Variants in AGO3 observed in about 807,000 individuals in gnomAD.
AGO3 encodes the protein argonaute RISC catalytic component 3.
AGO3 carries 16 observed loss-of-function variants against 105.5 expected under a neutral mutation model. That is an observed-to-expected ratio of 0.15 (90% CI 0.10 to 0.23). The LOEUF (loss-of-function observed/expected upper bound fraction) is 0.23. Ranked by LOEUF, AGO3 falls within the 10% of genes least tolerant of loss-of-function variation. The probability of loss-of-function intolerance (pLI) is 1.00; values close to 1 mark genes in which losing one functional copy is unlikely to be tolerated. For synonymous variants in AGO3, 340 were observed against 367.3 expected (o/e 0.93, Z 0.85); for missense variants, 534 against 1,088.0 (o/e 0.49, Z 7.16).
chr1:36,053,745 A>T (rs1174096143), intron 17 of AGO3, among the ~76,000 whole-genome samples: 13 of 81,298 alleles, frequency 1.6e-4, no homozygotes, highest in African/African-American at 5.3e-4. Context: ...CACCTGGCTA[A>T]TTTTTTTTTT....
At chr1:36,015,885 A>C (rs545864662) in intron 11 of AGO3, among the ~76,000 whole-genome samples, 1 of 152,308 alleles carries the variant, frequency 6.6e-6, no homozygotes, top group African/African-American at 2.4e-5. Flanking sequence ...AGACAAATTA[A>C]ATTTAACAGA....
chr1:36,048,961 C>G (rs1035962268), intron 17 of AGO3, among the ~76,000 whole-genome samples: 5 of 152,204 alleles, frequency 3.3e-5, no homozygotes, highest in Admixed American at 6.5e-5. Flanking sequence ...CCTGCCTCAT[C>G]CTTCCAAAGT....
intron 14 of AGO3, among the ~76,000 whole-genome samples, chr1:36,038,107 G>A (rs11263847): frequency 0.087 from 13,247 of 152,096 alleles, 1,971 homozygotes; most frequent in East Asian, 0.66. Context: ...TCATGATAAC[G>A]AAGTAACAAC....
In AGO3 at chr1:36,004,403, A is replaced by G; in HGVS notation, c.721A>G (p.Ile241Val). 1 of 1,609,224 alleles carries G rather than the reference A, an allele frequency of 6.2e-7. No homozygotes were observed. The highest frequency in any genetic ancestry group is 8.5e-7 in the Non-Finnish European group (1 of 1,176,792). Residue 241 changes from isoleucine (I) to valine (V), a missense_variant, in exon 6 of 19, where the codon ATT (isoleucine) becomes GTT (valine). Ile to Val is a conservative substitution (Grantham distance 29, BLOSUM62 3). Around this residue, in one of 2 missense-constraint regions of AGO3, gnomAD observed 373 missense variants for 854.0 expected, o/e 0.44. Coordinates refer to ENST00000373191, the MANE Select transcript of AGO3 (RefSeq NM_024852.4). The stretch of plus-strand genomic sequence containing the variant: ...TCAGTTCATGTGTGAAGTTCTTGAT[A>G]TTCATAATATTGATGAGCAACCAAG... The part of the protein sequence containing the change: ...VIQFMCEVLD[I>V]HNIDEQPRPL...
intron 5 of AGO3, among the ~76,000 whole-genome samples, chr1:35,977,572 T>C (rs1646976290): frequency 6.6e-6 from 1 of 151,948 alleles, no homozygotes; most frequent in African/African-American, 2.4e-5. Flanking sequence ...TTTGTATTTT[T>C]TGTAGAGACA....
intron 2 of AGO3, among the ~76,000 whole-genome samples, chr1:35,953,770 C>A (rs1294139168): frequency 6.6e-6 from 1 of 152,136 alleles, no homozygotes; most frequent in Non-Finnish European, 1.5e-5. Flanking sequence ...CCTCACCCTT[C>A]CAAAGTGCTG....
At chr1:35,947,477 T>C (rs1296010473) in intron 2 of AGO3, among the ~76,000 whole-genome samples, 3 of 152,188 alleles carry the variant, frequency 2.0e-5, no homozygotes, top group African/African-American at 4.8e-5. Context: ...GTGGTTATTT[T>C]TCTCCCTTTC....
chr1:36,032,907 C>A (rs1442477941), intron 12 of AGO3, among the ~76,000 whole-genome samples: 1 of 151,466 alleles, frequency 6.6e-6, no homozygotes, highest in African/African-American at 2.4e-5. Context: ...GGTGGATCAC[C>A]TGAGGTCAGG....
intron 1 of AGO3, among the ~76,000 whole-genome samples, chr1:35,941,516 G>T (rs1251912055): frequency 6.6e-6 from 1 of 152,116 alleles, no homozygotes; most frequent in Admixed American, 6.6e-5. Flanking sequence ...AGATAATGTG[G>T]TATTGGTGAA....
intron 12 of AGO3, among the ~76,000 whole-genome samples, chr1:36,032,678 T>C (rs569265954): frequency 9.9e-5 from 15 of 151,832 alleles, no homozygotes; most frequent in African/African-American, 2.7e-4. Flanking sequence ...TTGCACCCAT[T>C]TTTCTATGTT....
chr1:35,957,195 C>T (rs1470271223), intron 2 of AGO3, among the ~76,000 whole-genome samples: 1 of 150,768 alleles, frequency 6.6e-6, no homozygotes, highest in Admixed American at 6.6e-5. Context: ...ACTAAAAATA[C>T]AAAAATTAGC....
intron 1 of AGO3, among the ~76,000 whole-genome samples, chr1:35,940,475 C>A (rs541312431): frequency 6.6e-6 from 1 of 152,254 alleles, no homozygotes; most frequent in African/African-American, 2.4e-5. Context: ...TTTTTCTCCT[C>A]TGCAATTTAT....
Position 35,962,315 on chromosome 1 carries a change from G to A in AGO3, c.192-4640G>A, listed in dbSNP as rs996948537. Among the ~76,000 whole-genome samples, 14 of 152,192 alleles carry A rather than the reference G, an allele frequency of 9.2e-5. No homozygotes were observed. The Middle Eastern group carries it at 0.01, about 111-fold the overall frequency. ...TCCCAGCACTTTGGGAGGCCAAGGC[G>A]GGTGGATCACGAGGTCAGGAGATCG... is the stretch of plus-strand genomic sequence containing the variant. On this transcript the variant is annotated intron_variant, in intron 2 of 18. Coordinates refer to ENST00000373191, the MANE Select transcript of AGO3 (RefSeq NM_024852.4).
At chr1:35,999,569 A>G (rs1197398198) in intron 5 of AGO3, among the ~76,000 whole-genome samples, 1 of 152,220 alleles carries the variant, frequency 6.6e-6, no homozygotes, top group Non-Finnish European at 1.5e-5. Context: ...TATTACTTCC[A>G]TAGGTCTTAT....
At chr1:35,937,043 G>T (rs1008036494) in intron 1 of AGO3, among the ~76,000 whole-genome samples, 1 of 152,188 alleles carries the variant, frequency 6.6e-6, no homozygotes, top group African/African-American at 2.4e-5. Flanking sequence ...TAAAAATGAT[G>T]AAAGAATAGA....
At position 35,967,057 on chromosome 1, in the gene AGO3, T is replaced by C. The variant is rs1367080414; in HGVS notation, c.294T>C (p.Leu98=). ...GAAGTCTTTACACCGCCAATCCACT[T>C]CCTGTGGCAACTACAGGGGTAAGAT... ...GKRSLYTANP[L]PVATTGVDLD... Residue 98 remains leucine (L), a synonymous_variant, in exon 3 of 19, where the codon CTT becomes CTC. Coordinates refer to ENST00000373191, the MANE Select transcript of AGO3 (RefSeq NM_024852.4). The C allele has an allele frequency of 9.3e-6, 15 of 1,613,280 alleles. No homozygotes were observed. Among genetic ancestry groups the C allele is most frequent in the Non-Finnish European group, 1.2e-5 (14 of 1,179,770 alleles).
chr1:36,038,294 G>A (rs1472770649), intron 14 of AGO3, among the ~76,000 whole-genome samples: 1 of 128,406 alleles, frequency 7.8e-6, no homozygotes, highest in Non-Finnish European at 1.6e-5. Flanking sequence ...TCGCTCTGTA[G>A]CTCACGCTGG....
At chr1:35,985,611 T>A (rs1647156544) in intron 5 of AGO3, among the ~76,000 whole-genome samples, 1 of 152,214 alleles carries the variant, frequency 6.6e-6, no homozygotes, top group Non-Finnish European at 1.5e-5. Flanking sequence ...TTTAAAAAAA[T>A]TAGATCCATC....
rs1018955395 is a variant in AGO3 at position 35,931,123 on chromosome 1, C to A, written c.-304C>A. ...CCCGGGCAGGTCGGCGGCGGCGGCC[C>A]GCAGTCGTGGAGGAGCGGTGGGAGC... On this transcript the variant is annotated 5_prime_UTR_variant, in exon 1 of 19. Transcript: ENST00000373191. The A allele has an allele frequency of 4.8e-5, 19 of 396,366 alleles. No homozygotes were observed. The highest frequency in any genetic ancestry group is 2.2e-4 in the Admixed American group (5 of 22,606). The allele number at this position is 396,366 out of a possible 1,614,324, so 24.6% of individuals were successfully genotyped here. A position where few individuals can be genotyped will look rare whatever the true frequency, so the allele number is the denominator to read the frequency against.
Sources: allele counts gnomAD v4.1 joint callset (sites outside exome capture counted in the v4.1 genomes callset), GRCh38; gene constraint gnomAD v4.1.1; regional missense constraint gnomAD v4.1.1; transcripts MANE v1.5; gene names NCBI Gene and HGNC (gene_info 2026-07-23, HGNC 2026-07-21).